The following CFAP299 variants were observed in gnomAD, a reference collection of about 807,000 sequenced individuals.
The protein encoded by CFAP299 is cilia- and flagella-associated protein 299.
Under a neutral mutation model 27.0 loss-of-function variants are expected in CFAP299, and 21 were observed. That is an observed-to-expected ratio of 0.78 (90% CI 0.55 to 1.12). The LOEUF is 1.12. Ranked by LOEUF, CFAP299 falls within the 50% of genes most tolerant of loss-of-function variation. The pLI, the probability that CFAP299 is intolerant of heterozygous loss-of-function variation, is 0.00. For missense variants in CFAP299, 310 were observed against 276.6 expected (o/e 1.12, Z -0.86); for synonymous variants, 104 against 98.1 (o/e 1.06, Z -0.36).
intron 3 of CFAP299, 128 bp from the exon 4 acceptor site, chr4:80,869,865 C>A (rs74287334): frequency 0.053 from 45,406 of 859,628 alleles, 1,469 homozygotes; most frequent in East Asian, 0.12. Flanking sequence ...AATGTTATAA[C>A]CACTCTTTCA....
chr4:80,590,404 C>T (rs1350047786), intron 3 of CFAP299, among the ~76,000 whole-genome samples: 2 of 152,070 alleles, frequency 1.3e-5, no homozygotes, highest in Admixed American at 6.5e-5. Context: ...TTTGGAAGGC[C>T]GAGATGGGCA....
intron 3 of CFAP299, among the ~76,000 whole-genome samples, chr4:80,606,897 T>C (rs995207140): frequency 3.9e-5 from 6 of 152,226 alleles, no homozygotes; most frequent in African/African-American, 1.4e-4. Context: ...TCCTGTAAGA[T>C]AAATTTCCAG....
chr4:80,711,738 C>A (rs1403019209), intron 3 of CFAP299, among the ~76,000 whole-genome samples: 1 of 152,126 alleles, frequency 6.6e-6, no homozygotes, highest in East Asian at 1.9e-4. Context: ...ATTTAGCTAT[C>A]TGGGAGATGT....
At chr4:80,928,965 T>C (rs1736439708) in intron 4 of CFAP299, among the ~76,000 whole-genome samples, 1 of 152,148 alleles carries the variant, frequency 6.6e-6, no homozygotes, top group African/African-American at 2.4e-5. Context: ...CCTTACACAT[T>C]TCTTCAATGA....
chr4:80,601,842 T>G (rs1296507017), intron 3 of CFAP299, among the ~76,000 whole-genome samples: 3 of 152,208 alleles, frequency 2.0e-5, no homozygotes, highest in Admixed American at 1.3e-4. Flanking sequence ...TGTCAGTCAA[T>G]GATAGACTGG....
At chr4:80,679,158 T>C (rs927208370) in intron 3 of CFAP299, among the ~76,000 whole-genome samples, 4 of 152,082 alleles carry the variant, frequency 2.6e-5, no homozygotes, top group African/African-American at 9.7e-5. Context: ...AATAGGATTA[T>C]ACACTGTATA....
chr4:80,623,124 G>A (rs1738691007), intron 3 of CFAP299, among the ~76,000 whole-genome samples: 1 of 152,044 alleles, frequency 6.6e-6, no homozygotes, highest in Admixed American at 6.6e-5. Context: ...TTATTAGTAG[G>A]GTAAGTAGAA....
At chr4:80,786,337 A>G (rs1380850660) in intron 3 of CFAP299, among the ~76,000 whole-genome samples, 1 of 152,104 alleles carries the variant, frequency 6.6e-6, no homozygotes, top group African/African-American at 2.4e-5. Context: ...TACTTTGGCT[A>G]TTTGATGTAG....
chr4:80,887,605 A>AG (rs1734035273), intron 4 of CFAP299, among the ~76,000 whole-genome samples: 1 of 152,168 alleles, frequency 6.6e-6, no homozygotes, highest in Non-Finnish European at 1.5e-5. Context: ...CTGAAAGAAA[A>AG]GGATGTGAAT....
chr4:80,522,837 A>AT (rs1162605333), intron 2 of CFAP299, among the ~76,000 whole-genome samples: 4 of 151,688 alleles, frequency 2.6e-5, no homozygotes, highest in African/African-American at 7.3e-5. Context: ...CAGCTCTCTT[A>AT]TTTTTTTCCA....
intron 3 of CFAP299, among the ~76,000 whole-genome samples, chr4:80,860,499 G>T (rs915747008): frequency 2.0e-5 from 3 of 152,102 alleles, no homozygotes; most frequent in Admixed American, 6.6e-5. Context: ...TTGTAGAGTT[G>T]CCATTTTTTC....
intron 3 of CFAP299, among the ~76,000 whole-genome samples, chr4:80,746,535 G>T (rs1029924457): frequency 2.0e-5 from 3 of 152,098 alleles, no homozygotes; most frequent in African/African-American, 7.2e-5. Context: ...AATCTATTCT[G>T]GTTTTGGAGC....
intron 4 of CFAP299, among the ~76,000 whole-genome samples, chr4:80,942,166 G>A (rs570347859): frequency 6.2e-4 from 94 of 152,320 alleles, no homozygotes; most frequent in Non-Finnish European, 1.2e-3. Flanking sequence ...AGAGACCATG[G>A]TTGTAGTCTG....
intron 3 of CFAP299, among the ~76,000 whole-genome samples, chr4:80,761,749 CT>C (rs938852881): frequency 6.6e-6 from 1 of 151,898 alleles, no homozygotes; most frequent in African/African-American, 2.4e-5. Flanking sequence ...AATATGCAGG[CT>C]TTGAATAATG....
intron 3 of CFAP299, among the ~76,000 whole-genome samples, chr4:80,786,910 A>G (rs1271292318): frequency 1.3e-5 from 2 of 152,084 alleles, no homozygotes; most frequent in Admixed American, 1.3e-4. Flanking sequence ...AATTACTTTA[A>G]ATGTAATCAT....
At chr4:80,571,125 G>C (rs1247611163) in intron 2 of CFAP299, among the ~76,000 whole-genome samples, 1 of 152,000 alleles carries the variant, frequency 6.6e-6, no homozygotes, top group Non-Finnish European at 1.5e-5. Context: ...AAAGTGAGAA[G>C]GTAGTTAGCC....
In CFAP299 at chr4:80,683,612, A is replaced by G. The variant is rs996973073; in HGVS notation, c.333+100429A>G. Among the ~76,000 whole-genome samples the G allele has an allele frequency of 5.9e-5, 9 of 152,256 alleles. No individual in the cohort carries two copies. In the East Asian group the frequency reaches 1.2e-3, roughly 20 times the overall value. On this transcript the variant is annotated intron_variant, in intron 3 of 5. Coordinates refer to ENST00000358105, the MANE Select transcript of CFAP299 (RefSeq NM_152770.3). ...AACTCTTTAAGTTGGTGTGTTCCAT[A>G]TGTTTACTACTTAACTGCTCAAAGT...
chr4:80,812,601 G>T (rs566388133), intron 3 of CFAP299, among the ~76,000 whole-genome samples: 2 of 152,154 alleles, frequency 1.3e-5, no homozygotes, highest in South Asian at 4.1e-4. Flanking sequence ...AACCTTTTAA[G>T]CTTTATGAAC....
At chr4:80,564,721 G>A (rs1287041476) in intron 2 of CFAP299, among the ~76,000 whole-genome samples, 1 of 151,848 alleles carries the variant, frequency 6.6e-6, no homozygotes, top group Non-Finnish European at 1.5e-5. Context: ...TGTAAAGGAA[G>A]TCAAATTATA....
Sources: gnomAD v4.1 joint callset for allele counts (sites outside exome capture counted in the v4.1 genomes callset) on GRCh38, gnomAD v4.1.1 for gene constraint, MANE v1.5 for transcripts, NCBI Gene and HGNC (gene_info 2026-07-23, HGNC 2026-07-21) for gene names.